The following DLG5 variants were observed in gnomAD, a reference collection of about 807,000 sequenced individuals.
DLG5 encodes discs large MAGUK scaffold protein 5.
In DLG5, 48 loss-of-function variants were observed where a neutral mutation model predicts 189.8. That is an observed-to-expected ratio of 0.25 (90% CI 0.20 to 0.32). The LOEUF is 0.32. Among genes scored for constraint, DLG5 ranks in the 10% least tolerant of loss-of-function variants. The probability of loss-of-function intolerance (pLI) is 1.00; values close to 1 mark genes in which losing one functional copy is unlikely to be tolerated. For synonymous variants in DLG5, 1,016 were observed against 1,054.1 expected (o/e 0.96, Z 0.70); for missense variants, 2,160 against 2,544.7 (o/e 0.85, Z 3.25).
chr10:77,864,555 G>A (rs1844600287), intron 2 of DLG5, among the ~76,000 whole-genome samples: 1 of 152,214 alleles, frequency 6.6e-6, no homozygotes, highest in African/African-American at 2.4e-5. Context: ...TAGAGAACCT[G>A]CTAGGCAAAA....
intron 1 of DLG5, among the ~76,000 whole-genome samples, chr10:77,909,833 C>G (rs934627629): frequency 6.6e-5 from 10 of 152,168 alleles, no homozygotes; most frequent in Non-Finnish European, 1.5e-4. Flanking sequence ...CCAGCTCCTA[C>G]TGAGATTGGC....
intron 29 of DLG5, among the ~76,000 whole-genome samples, chr10:77,795,473 C>T (rs953788594): frequency 6.6e-6 from 1 of 152,144 alleles, no homozygotes; most frequent in African/African-American, 2.4e-5. Context: ...GAAGCCAACA[C>T]CTTCATCTAA....
intron 6 of DLG5, 44 bp downstream of exon 6, chr10:77,843,403 T>TATGACCCATTTGGTC (rs1333881989): frequency 6.2e-7 from 1 of 1,602,872 alleles, no homozygotes; most frequent in Admixed American, 1.7e-5. Flanking sequence ...CTGGGAACCT[T>TATGACCCATTTGGTC]ATAGGACCCA....
chr10:77,812,418 A>G (rs747505160), intron 20 of DLG5, 41 bp from the exon 21 acceptor site: 3 of 1,593,698 alleles, frequency 1.9e-6, no homozygotes, highest in South Asian at 1.1e-5. Context: ...AGGGTCAAAC[A>G]AAAGGGTTGG....
chr10:77,895,996 C>A (rs554556123), intron 1 of DLG5, among the ~76,000 whole-genome samples: 1 of 152,222 alleles, frequency 6.6e-6, no homozygotes, highest in South Asian at 2.1e-4. Flanking sequence ...GCTCTGAACA[C>A]CTTCAGAACA....
chr10:77,938,319 T>C, the DLG5 span, among the ~76,000 whole-genome samples: 29,110 of 152,024 alleles, frequency 0.19, 3,331 homozygotes, highest in South Asian at 0.27. Flanking sequence ...TGGTCCCAGC[T>C]ACTTGGGAGG....
chr10:77,877,165 C>T (rs370296193), intron 1 of DLG5, among the ~76,000 whole-genome samples: 39 of 152,290 alleles, frequency 2.6e-4, no homozygotes, highest in African/African-American at 8.9e-4. Context: ...CCCTCCCTTC[C>T]CCACCCAAAA....
At chr10:77,853,175 A>C (rs1472193338) in intron 5 of DLG5, among the ~76,000 whole-genome samples, 179 bp downstream of exon 5, 1 of 140,366 alleles carries the variant, frequency 7.1e-6, no homozygotes, top group South Asian at 2.2e-4. Flanking sequence ...TAGAGATGGG[A>C]TCTTGCCATG....
rs1841464096 is a variant in DLG5 at position 77,806,218 on chromosome 10, C to T, written c.4968-357G>A. 3 of 283,890 alleles carry T rather than the reference C, an allele frequency of 1.1e-5. No individual in the cohort carries two copies. In the South Asian group the frequency reaches 3.3e-4, roughly 32 times the overall value. 17.6% of individuals were successfully genotyped at this position (283,890 alleles called of 1,614,324 possible). A position where few individuals can be genotyped will look rare whatever the true frequency, so the allele number is the denominator to read the frequency against. Reference sequence around the variant, plus strand: ...GCAGGGATGCAGGCTGCCTCGAAAACATGCTCAGTGACAGGAGCCAGATGA... The same window carrying T: ...GCAGGGATGCAGGCTGCCTCGAAAATATGCTCAGTGACAGGAGCCAGATGA... On this transcript the variant is annotated intron_variant, in intron 26 of 31. Transcript: ENST00000372391.
chr10:77,823,839 T>C (rs1842487412), intron 14 of DLG5, among the ~76,000 whole-genome samples: 1 of 152,086 alleles, frequency 6.6e-6, no homozygotes, highest in African/African-American at 2.4e-5. Flanking sequence ...CCTTTCATTT[T>C]TGAGATAGGG....
chr10:77,825,374 C>CCCCACACACA (rs376716808), intron 13 of DLG5, among the ~76,000 whole-genome samples: 1 of 130,816 alleles, frequency 7.6e-6, no homozygotes, highest in Non-Finnish European at 1.6e-5. Context: ...CCACACACAA[C>CCCCACACACA]CACACACACA....
At chr10:77,798,862 A>G (rs1841061137) in intron 27 of DLG5, among the ~76,000 whole-genome samples, 1 of 152,248 alleles carries the variant, frequency 6.6e-6, no homozygotes, top group Admixed American at 6.5e-5. Context: ...GTTTGGAAGA[A>G]TATTACTGAG....
At chr10:77,878,062 G>A (rs993163997) in intron 1 of DLG5, among the ~76,000 whole-genome samples, 4 of 152,170 alleles carry the variant, frequency 2.6e-5, no homozygotes, top group Non-Finnish European at 5.9e-5. Context: ...GAAAGGCACC[G>A]GGCACCCCCG....
intron 1 of DLG5, among the ~76,000 whole-genome samples, chr10:77,896,910 T>C (rs868615090): frequency 1.1e-4 from 16 of 151,996 alleles, no homozygotes; most frequent in South Asian, 2.1e-4. Flanking sequence ...CTTCCATTCT[T>C]TGATGGATCT....
At chr10:77,806,110 G>A in intron 26 of DLG5, 2 of 457,118 alleles carry the variant, frequency 4.4e-6, no homozygotes, top group East Asian at 6.6e-5. Flanking sequence ...AGCATATTCA[G>A]CTCGGTGTCA....
At position 77,915,410 on chromosome 10, in the gene DLG5, C is replaced by T. The variant is rs567435337; in HGVS notation, c.304+10807G>A. On this transcript the variant is annotated intron_variant, in intron 1 of 31. Coordinates refer to ENST00000372391, the MANE Select transcript of DLG5 (RefSeq NM_004747.4). Reference sequence around the variant, plus strand: ...GGAAACGTAAAAAAATGATGGTATACGTTGATGCTCCAGTTTCACACATTA... The same window carrying T: ...GGAAACGTAAAAAAATGATGGTATATGTTGATGCTCCAGTTTCACACATTA... 2.2e-3 allele frequency among the ~76,000 whole-genome samples: 333 copies of T among 152,142 alleles called. 1 individual carries two copies. Among genetic ancestry groups the T allele is most frequent in the African/African-American group, 7.5e-3 (312 of 41,512 alleles).
chr10:77,934,090 G>A, the DLG5 span, among the ~76,000 whole-genome samples: 1 of 151,924 alleles, frequency 6.6e-6, no homozygotes, highest in South Asian at 2.1e-4. Context: ...GGGCAAGTAG[G>A]CTGGGCACGG....
At chr10:77,816,276 G>T in intron 20 of DLG5, 1 of 670,364 alleles carries the variant, frequency 1.5e-6, no homozygotes, top group African/African-American at 1.8e-5. Context: ...GCCCAGGAAG[G>T]TGTAAATGGT....
rs35757354 is a variant in DLG5 at position 77,917,523 on chromosome 10, CAA to C, written c.304+8692_304+8693del. Among the ~76,000 whole-genome samples the C allele has an allele frequency of 5.5e-4, 63 of 113,988 alleles. 1 individual carries two copies. The highest frequency in any genetic ancestry group is 6.5e-4 in the African/African-American group (22 of 33,700). The allele number at this position is 113,988 out of a possible 152,430, so 74.8% of individuals were successfully genotyped here. A position where few individuals can be genotyped will look rare whatever the true frequency, so the allele number is the denominator to read the frequency against. ...GAGCAACAGAGTGAGACTCCATCTC[CAA>C]AAAAAAAAAAAGAAGAAAGAGAGAG... On this transcript the variant is annotated intron_variant, in intron 1 of 31. Transcript: ENST00000372391.
Sources: gnomAD v4.1 joint callset for allele counts (sites outside exome capture counted in the v4.1 genomes callset) on GRCh38, gnomAD v4.1.1 for gene constraint, MANE v1.5 for transcripts, NCBI Gene and HGNC (gene_info 2026-07-23, HGNC 2026-07-21) for gene names.